The following UBE3D variants were observed in gnomAD, a reference collection of about 807,000 sequenced individuals.
UBE3D encodes E3 ubiquitin-protein ligase E3D.
In UBE3D, 48 loss-of-function variants were observed where a neutral mutation model predicts 49.6. The observed-to-expected ratio is 0.97, with a 90% confidence interval of 0.77 to 1.23. The LOEUF (loss-of-function observed/expected upper bound fraction) is 1.23, where lower values mean the gene tolerates loss of function less well. Among genes scored for constraint, UBE3D ranks in the 50% most tolerant of loss-of-function variants. UBE3D has a pLI of 0.00. For missense variants in UBE3D, 452 were observed against 468.4 expected, an observed-to-expected ratio of 0.96 and a Z score of 0.32; for synonymous variants, 189 against 174.2, an observed-to-expected ratio of 1.08 and a Z score of -0.67.
At chr6:83,020,229 C>T (rs1276661514) in intron 7 of UBE3D, among the ~76,000 whole-genome samples, 2 of 151,932 alleles carry the variant, frequency 1.3e-5, no homozygotes, top group Non-Finnish European at 2.9e-5. Flanking sequence ...AGCCATACAG[C>T]AAAATTCCAG....
chr6:82,933,533 T>G (rs1774323640), intron 9 of UBE3D, among the ~76,000 whole-genome samples: 1 of 152,174 alleles, frequency 6.6e-6, no homozygotes, highest in Non-Finnish European at 1.5e-5. Context: ...TTCATTCCCC[T>G]AGCATGCCAC....
At chr6:82,989,245 GCT>G (rs1305014985) in intron 8 of UBE3D, among the ~76,000 whole-genome samples, 1 of 152,156 alleles carries the variant, frequency 6.6e-6, no homozygotes, top group Admixed American at 6.5e-5. Flanking sequence ...CCTGCCTTCT[GCT>G]CTACAAATCT....
intron 8 of UBE3D, among the ~76,000 whole-genome samples, chr6:82,962,508 A>G (rs181790954): frequency 1.4e-4 from 22 of 152,350 alleles, no homozygotes; most frequent in African/African-American, 5.3e-4. Flanking sequence ...TGTTACAGTA[A>G]TGATAACCAC....
chr6:83,038,187 A>G, intron 5 of UBE3D: 1 of 392,282 alleles, frequency 2.5e-6, no homozygotes, highest in East Asian at 4.9e-5. Flanking sequence ...AACTCTGAAA[A>G]TGACTCAACT....
chr6:83,057,906 G>GTT lies in UBE3D; in HGVS notation c.193_194insAA (p.Pro65GlnfsTer26). On this transcript the variant is annotated frameshift_variant, in exon 2 of 10. Coordinates refer to ENST00000369747, the MANE Select transcript of UBE3D (RefSeq NM_198920.3). LOFTEE classifies it high-confidence loss of function. ...AAACTGTAGCCCACGGCAAGAGGAA[G>GTT]GTACAAGCCTGACCTCTGCTGGAAG... is the stretch of plus-strand genomic sequence containing the variant. 2 of 1,614,170 alleles carry GTT rather than the reference G, an allele frequency of 1.2e-6. No individual in the cohort carries two copies. Among genetic ancestry groups the GTT allele is most frequent in the African/African-American group, 2.7e-5 (2 of 75,040 alleles).
intron 9 of UBE3D, among the ~76,000 whole-genome samples, chr6:82,895,137 C>G (rs940941092): frequency 6.6e-6 from 1 of 151,966 alleles, no homozygotes; most frequent in African/African-American, 2.4e-5. Flanking sequence ...ATGGTAAAAC[C>G]CTGTCTCTAC....
At chr6:82,923,315 T>C (rs191086756) in intron 9 of UBE3D, among the ~76,000 whole-genome samples, 212 of 152,298 alleles carry the variant, frequency 1.4e-3, no homozygotes, top group Non-Finnish European at 1.7e-3. Flanking sequence ...AACCCAACTG[T>C]CCATCAATGA....
intron 8 of UBE3D, among the ~76,000 whole-genome samples, chr6:82,996,021 T>G (rs928107389): frequency 1.3e-5 from 2 of 152,000 alleles, no homozygotes; most frequent in African/African-American, 4.8e-5. Context: ...GCTGAGATCA[T>G]GCCACCGCAC....
intron 9 of UBE3D, among the ~76,000 whole-genome samples, chr6:82,946,576 TCACC>T (rs1222210777): frequency 3.9e-5 from 6 of 152,004 alleles, no homozygotes; most frequent in Non-Finnish European, 2.9e-5. Flanking sequence ...GGTACAAAAC[TCACC>T]AGCAAAAATA....
chr6:82,959,858 G>C (rs1776426947), intron 8 of UBE3D, among the ~76,000 whole-genome samples: 1 of 152,002 alleles, frequency 6.6e-6, no homozygotes, highest in African/African-American at 2.4e-5. Context: ...TCCCAAACAG[G>C]GTGCTCCTAC....
At chr6:82,898,318 C>T (rs905714835) in intron 9 of UBE3D, among the ~76,000 whole-genome samples, 1 of 152,130 alleles carries the variant, frequency 6.6e-6, no homozygotes, top group Non-Finnish European at 1.5e-5. Context: ...CCCAGCAATC[C>T]CATTACTGGG....
At chr6:82,952,014 A>G (rs1210601246) in intron 9 of UBE3D, among the ~76,000 whole-genome samples, 1 of 152,206 alleles carries the variant, frequency 6.6e-6, no homozygotes, top group Non-Finnish European at 1.5e-5. Context: ...TCTCCCTGCT[A>G]TCAAGTACAT....
chr6:82,974,863 C>A (rs1278872367), intron 8 of UBE3D, among the ~76,000 whole-genome samples: 2 of 151,608 alleles, frequency 1.3e-5, no homozygotes, highest in Non-Finnish European at 2.9e-5. Flanking sequence ...TCAATTCATA[C>A]TATAATGAGA....
intron 9 of UBE3D, among the ~76,000 whole-genome samples, chr6:82,936,874 TTTCAACTACTAGAAGTTA>T (rs1774617319): frequency 6.6e-6 from 1 of 152,188 alleles, no homozygotes; most frequent in Non-Finnish European, 1.5e-5. Context: ...TCTGTGAAAC[TTTCAACTACTAGAAGTTA>T]GAATCAGTTT....
At chr6:82,903,671 A>C (rs1007344242) in intron 9 of UBE3D, among the ~76,000 whole-genome samples, 1 of 152,176 alleles carries the variant, frequency 6.6e-6, no homozygotes, top group African/African-American at 2.4e-5. Flanking sequence ...AGACATGCAA[A>C]TTTTAAAAAG....
chr6:82,896,345 G>T (rs189864689), intron 9 of UBE3D, among the ~76,000 whole-genome samples: 105 of 152,218 alleles, frequency 6.9e-4, no homozygotes, highest in African/African-American at 2.4e-3. Flanking sequence ...TATGACTATA[G>T]CTGCAGCTTA....
At chr6:82,946,417 T>C (rs1477082523) in intron 9 of UBE3D, among the ~76,000 whole-genome samples, 4 of 151,962 alleles carry the variant, frequency 2.6e-5, no homozygotes, top group Admixed American at 1.3e-4. Flanking sequence ...GGAGAAAATA[T>C]CCTTCAAACA....
At chr6:82,892,183 A>G (rs565098057), downstream of UBE3D, among the ~76,000 whole-genome samples, 1 of 152,316 alleles carries the variant, frequency 6.6e-6, no homozygotes, top group Non-Finnish European at 1.5e-5. Flanking sequence ...TCAGAGAGAG[A>G]TGGATCAGAT....
At chr6:83,032,450 G>GTA in intron 5 of UBE3D, 2 of 353,974 alleles carry the variant, frequency 5.7e-6, no homozygotes, top group South Asian at 4.2e-5. Flanking sequence ...TTTACCCAAT[G>GTA]CCTGTACCCC....
Sources: gnomAD v4.1 joint callset for allele counts (sites outside exome capture counted in the v4.1 genomes callset) on GRCh38, gnomAD v4.1.1 for gene constraint, MANE v1.5 for transcripts, NCBI Gene and HGNC (gene_info 2026-07-23, HGNC 2026-07-21) for gene names.